Variants in MALRD1 observed in about 807,000 individuals in gnomAD.
The protein encoded by MALRD1 is MAM and LDL receptor class A domain containing 1.
Under a neutral mutation model 242.1 loss-of-function variants are expected in MALRD1, and 247 were observed. The ratio of observed to expected loss-of-function variants is 1.02; its 90% CI spans 0.92 to 1.13. MALRD1 has a LOEUF of 1.13. MALRD1 is among the 50% of genes most tolerant of loss of function. The pLI, the probability that MALRD1 is intolerant of heterozygous loss-of-function variation, is 0.00. For synonymous variants in MALRD1, 995 were observed against 866.6 expected, an observed-to-expected ratio of 1.15 and a Z score of -2.60; for missense variants, 2,989 against 2,533.1, an observed-to-expected ratio of 1.18 and a Z score of -3.86.
rs1451673768 is a variant in MALRD1, at chr10:19,330,307, T to A, written c.3688-1062T>A. 5.9e-5 allele frequency among the ~76,000 whole-genome samples: 9 copies of A among 151,900 alleles called. No homozygotes were observed. In the South Asian group the frequency reaches 1.0e-3, roughly 18 times the overall value. On this transcript the variant is annotated intron_variant, in intron 23 of 39. Coordinates refer to ENST00000454679, the MANE Select transcript of MALRD1 (RefSeq NM_001142308.3). The stretch of plus-strand genomic sequence containing the variant: ...CCTCTCATGTTAAGAGGAGAACACC[T>A]AGGTTCACACAATAGTATAAAGACT...
intron 24 of MALRD1, among the ~76,000 whole-genome samples, chr10:19,338,051 A>G (rs1187041819): frequency 2.4e-5 from 3 of 127,404 alleles, no homozygotes; most frequent in East Asian, 4.5e-4. Flanking sequence ...ACAGAGCAAG[A>G]TTCTGTCTCA....
chr10:19,240,013 A>G (rs1385311263), intron 18 of MALRD1, among the ~76,000 whole-genome samples: 1 of 151,992 alleles, frequency 6.6e-6, no homozygotes, highest in African/African-American at 2.4e-5. Flanking sequence ...ATTGTAGGGT[A>G]CTTTTTTCTG....
rs10654913 is a variant in MALRD1, at chr10:19,386,416, GA to G, written c.4442-1102del. ...TCTACCTGGAAGAAGGAGAAGACAA[GA>G]AAAAAAAAATGTCAGATCCTGTAGT... is the stretch of plus-strand genomic sequence containing the variant. On this transcript the variant is annotated intron_variant, in intron 26 of 39. Transcript: ENST00000454679. Among the ~76,000 whole-genome samples, 10 of 148,038 alleles carry G rather than the reference GA, an allele frequency of 6.8e-5. No individual in the cohort carries two copies. The South Asian group carries it at 1.1e-3, about 16-fold the overall frequency.
rs556802110 is a variant in MALRD1 at position 19,635,397 on chromosome 10, CAA to C, written c.6137+19478_6137+19479del. 5.9e-5 allele frequency among the ~76,000 whole-genome samples: 9 copies of C among 151,662 alleles called. No homozygotes were observed. The South Asian group carries it at 1.3e-3, about 21-fold the overall frequency. ...TTGAAGAAATATAGTTCATAAGAAA[CAA>C]AAAGAGTTAAAAAGTTCAAAAGCAG... On this transcript the variant is annotated intron_variant, in intron 36 of 39. Transcript: ENST00000454679.
At chr10:19,390,418 G>C (rs1427249694) in intron 28 of MALRD1, among the ~76,000 whole-genome samples, 1 of 152,176 alleles carries the variant, frequency 6.6e-6, no homozygotes, top group African/African-American at 2.4e-5. Context: ...CATTTTCTTA[G>C]TAAGGATTAA....
At chr10:19,341,990 A>G (rs1372074056) in intron 24 of MALRD1, among the ~76,000 whole-genome samples, 4 of 152,120 alleles carry the variant, frequency 2.6e-5, no homozygotes, top group Admixed American at 6.6e-5. Flanking sequence ...TTGTTATGGC[A>G]TATAACTATA....
chr10:19,337,227 A>G (rs1430707989), intron 24 of MALRD1, among the ~76,000 whole-genome samples: 1 of 152,180 alleles, frequency 6.6e-6, no homozygotes, highest in East Asian at 1.9e-4. Context: ...GTACATACTT[A>G]CATATGTGTA....
chr10:19,630,555 G>A (rs1839856477), intron 36 of MALRD1, among the ~76,000 whole-genome samples: 1 of 152,034 alleles, frequency 6.6e-6, no homozygotes, highest in African/African-American at 2.4e-5. Flanking sequence ...TGTTTAGTTT[G>A]AATAAAGACT....
intron 10 of MALRD1, among the ~76,000 whole-genome samples, chr10:19,145,351 A>C (rs1202236836): frequency 2.0e-5 from 3 of 152,174 alleles, no homozygotes; most frequent in Non-Finnish European, 4.4e-5. Flanking sequence ...TATTAAGAGA[A>C]GACAGGCTCA....
rs1024410620 is a variant in MALRD1, at chr10:19,314,021, C to T, written c.3420-9928C>T. 5.3e-5 allele frequency among the ~76,000 whole-genome samples: 8 copies of T among 151,540 alleles called. No individual in the cohort carries two copies. In the Admixed American group the frequency reaches 5.3e-4, roughly 10 times the overall value. On this transcript the variant is annotated intron_variant, in intron 21 of 39. Coordinates refer to ENST00000454679, the MANE Select transcript of MALRD1 (RefSeq NM_001142308.3). Reference sequence around the variant, plus strand: ...GTATTTTCAAAATCAAGATGCCTTACTTCATAAAGGAGAATTTCATATAGA... The same window carrying T: ...GTATTTTCAAAATCAAGATGCCTTATTTCATAAAGGAGAATTTCATATAGA...
chr10:19,668,716 C>T (rs1278021472), intron 36 of MALRD1, among the ~76,000 whole-genome samples: 1 of 151,920 alleles, frequency 6.6e-6, no homozygotes, highest in African/African-American at 2.4e-5. Flanking sequence ...TAATACAACA[C>T]TCAAAAATTT....
intron 24 of MALRD1, among the ~76,000 whole-genome samples, chr10:19,341,456 A>G (rs562376952): frequency 0.018 from 2,202 of 122,632 alleles, 51 homozygotes; most frequent in African/African-American, 0.051. Flanking sequence ...ATATATGTGT[A>G]TATATATGTA....
chr10:19,083,548 G>A (rs1554784980), intron 2 of MALRD1, among the ~76,000 whole-genome samples: 1 of 151,934 alleles, frequency 6.6e-6, no homozygotes, highest in Non-Finnish European at 1.5e-5. Context: ...CCCTTATGTA[G>A]AAAAAGCATT....
At chr10:19,539,855 TGCGTGTGTGTGTGTGTGTGTG>T (rs1834866527) in intron 32 of MALRD1, among the ~76,000 whole-genome samples, 1 of 87,394 alleles carries the variant, frequency 1.1e-5, no homozygotes, top group Non-Finnish European at 2.3e-5. Context: ...CCCAGCTTTG[TGCGTGTGTGTGTGTGTGTGTG>T]TGTGTGTGTG....
At chr10:19,709,648 C>T (rs1834018702) in intron 38 of MALRD1, among the ~76,000 whole-genome samples, 1 of 152,114 alleles carries the variant, frequency 6.6e-6, no homozygotes, top group Non-Finnish European at 1.5e-5. Context: ...TGCAGTGTAA[C>T]TTGGCATTAA....
chr10:19,421,603 A>G (rs1471879957), intron 28 of MALRD1, among the ~76,000 whole-genome samples: 1 of 152,202 alleles, frequency 6.6e-6, no homozygotes, highest in East Asian at 1.9e-4. Context: ...CATTATTGCA[A>G]ATTTTGCTAA....
At chr10:19,297,363 A>C (rs1287965625) in intron 21 of MALRD1, among the ~76,000 whole-genome samples, 1 of 151,790 alleles carries the variant, frequency 6.6e-6, no homozygotes, top group African/African-American at 2.4e-5. Flanking sequence ...TATAATCATA[A>C]GATTAAAAGA....
chr10:19,049,211 A>G, intron 1 of MALRD1, 74 bp downstream of exon 1: 1 of 1,141,584 alleles, frequency 8.8e-7, no homozygotes, highest in Non-Finnish European at 1.1e-6. Flanking sequence ...GCAGTCTGGG[A>G]GATTTGGCTA....
Position 19,517,672 on chromosome 10 carries a change from G to A in MALRD1, c.5321-13522G>A, listed in dbSNP as rs541573017. The stretch of plus-strand genomic sequence containing the variant: ...TTTTATGTAGTAACCTTACCTATTG[G>A]ATCCAGTCCAGTTTTGTTATGAAGT... On this transcript the variant is annotated intron_variant, in intron 31 of 39. Transcript: ENST00000454679. Among the ~76,000 whole-genome samples the A allele has an allele frequency of 6.8e-4, 104 of 152,210 alleles. 2 individuals are homozygous for A. The South Asian group carries it at 0.021, about 31-fold the overall frequency.
Sources: allele counts gnomAD v4.1 joint callset (sites outside exome capture counted in the v4.1 genomes callset), GRCh38; gene constraint gnomAD v4.1.1; transcripts MANE v1.5; gene names NCBI Gene and HGNC (gene_info 2026-07-23, HGNC 2026-07-21).